The following KHDRBS2 variants were observed in gnomAD, a reference collection of about 807,000 sequenced individuals.
The protein encoded by KHDRBS2 is KH domain-containing, RNA-binding, signal transduction-associated protein 2.
A neutral mutation model predicts 44.3 loss-of-function variants in KHDRBS2; 26 were observed. That is an observed-to-expected ratio of 0.59 (90% CI 0.43 to 0.81). The LOEUF is 0.81. Ranked by LOEUF, KHDRBS2 falls within the 40% of genes least tolerant of loss-of-function variation. KHDRBS2 has a pLI of 0.00. For synonymous variants in KHDRBS2, 194 were observed against 151.1 expected, an observed-to-expected ratio of 1.28 and a Z score of -2.08; for missense variants, 476 against 433.1, an observed-to-expected ratio of 1.10 and a Z score of -0.88.
rs16867604 is a variant in KHDRBS2, at chr6:61,937,126, G to A, written c.484-35755C>T. 2.5e-3 allele frequency among the ~76,000 whole-genome samples: 372 copies of A among 151,732 alleles called. 7 individuals are homozygous for A. Among genetic ancestry groups the A allele is most frequent in the East Asian group, 0.019 (98 of 5,154 alleles). ...TCTTCATCTCATGGTGCTGCATTCT[G>A]GTCATCTTCTCAGGTCCATCTTTTG... On this transcript the variant is annotated intron_variant, in intron 4 of 8. Transcript: ENST00000281156.
chr6:61,570,752 T>C, the KHDRBS2 span, among the ~76,000 whole-genome samples: 1 of 152,166 alleles, frequency 6.6e-6, no homozygotes, highest in Non-Finnish European at 1.5e-5. Context: ...CAGAAGGGAT[T>C]GGGGTCCCAT....
chr6:61,782,835 T>G (rs1783219242), intron 6 of KHDRBS2, among the ~76,000 whole-genome samples: 1 of 151,184 alleles, frequency 6.6e-6, no homozygotes, highest in Non-Finnish European at 1.5e-5. Flanking sequence ...TACTTCAAAC[T>G]GATGGTTGGG....
intron 6 of KHDRBS2, among the ~76,000 whole-genome samples, chr6:61,812,999 CAT>C (rs751154699): frequency 7.2e-5 from 11 of 151,944 alleles, no homozygotes; most frequent in Non-Finnish European, 1.3e-4. Flanking sequence ...CAAAATCTAA[CAT>C]AGTTTGCAAC....
At chr6:61,954,128 C>T (rs1765381829) in intron 4 of KHDRBS2, among the ~76,000 whole-genome samples, 1 of 152,052 alleles carries the variant, frequency 6.6e-6, no homozygotes, top group African/African-American at 2.4e-5. Flanking sequence ...AGGCATAACA[C>T]TGAGAAATAT....
chr6:61,786,095 G>C (rs1783765909), intron 6 of KHDRBS2, among the ~76,000 whole-genome samples: 1 of 151,878 alleles, frequency 6.6e-6, no homozygotes. Context: ...TCAGTACCAA[G>C]CACTCCTGTA....
intron 6 of KHDRBS2, among the ~76,000 whole-genome samples, chr6:61,766,370 T>C (rs1272733167): frequency 2.0e-5 from 3 of 152,092 alleles, no homozygotes; most frequent in Admixed American, 1.3e-4. Flanking sequence ...TCTCTCTTTT[T>C]ACTTAGTCTT....
intron 4 of KHDRBS2, among the ~76,000 whole-genome samples, chr6:61,919,274 T>C (rs1326856669): frequency 6.6e-6 from 1 of 151,894 alleles, no homozygotes; most frequent in Non-Finnish European, 1.5e-5. Context: ...GAGTACAATT[T>C]TTTAAAGAAA....
At chr6:61,547,786 C>A in the KHDRBS2 span, among the ~76,000 whole-genome samples, 1 of 152,086 alleles carries the variant, frequency 6.6e-6, no homozygotes, top group Non-Finnish European at 1.5e-5. Context: ...CTTAGAGGGA[C>A]TTGTTTAAAC....
the KHDRBS2 span, among the ~76,000 whole-genome samples, chr6:61,580,308 T>C: frequency 6.6e-6 from 1 of 152,146 alleles, no homozygotes; most frequent in Admixed American, 6.6e-5. Context: ...GCACCAATCA[T>C]TACTCTGTGT....
chr6:61,828,614 C>T (rs912792983), intron 6 of KHDRBS2, among the ~76,000 whole-genome samples: 5 of 152,014 alleles, frequency 3.3e-5, no homozygotes, highest in African/African-American at 1.2e-4. Context: ...CCTCTGTATA[C>T]CTTTTGGGTA....
intron 6 of KHDRBS2, among the ~76,000 whole-genome samples, chr6:61,875,874 A>T (rs1476105063): frequency 6.6e-6 from 1 of 151,874 alleles, no homozygotes; most frequent in Non-Finnish European, 1.5e-5. Context: ...TTATTTATTA[A>T]ATTATTATTT....
chr6:61,843,281 T>C (rs1263239679), intron 6 of KHDRBS2, among the ~76,000 whole-genome samples: 2 of 151,510 alleles, frequency 1.3e-5, no homozygotes, highest in African/African-American at 4.8e-5. Flanking sequence ...TTTGTGAATA[T>C]ATTAAAATTT....
intron 6 of KHDRBS2, among the ~76,000 whole-genome samples, chr6:61,741,742 T>C (rs1016098360): frequency 2.0e-5 from 3 of 151,958 alleles, no homozygotes; most frequent in African/African-American, 7.2e-5. Context: ...CATGTTTTTG[T>C]CAACTAAAGA....
intron 3 of KHDRBS2, among the ~76,000 whole-genome samples, chr6:62,041,224 G>A (rs1426681114): frequency 6.6e-6 from 1 of 151,964 alleles, no homozygotes; most frequent in African/African-American, 2.4e-5. Context: ...CCAGCTACTT[G>A]GAAGTCTGAG....
At chr6:62,041,268 T>C (rs527983865) in intron 3 of KHDRBS2, among the ~76,000 whole-genome samples, 3 of 151,840 alleles carry the variant, frequency 2.0e-5, no homozygotes, top group South Asian at 2.1e-4. Flanking sequence ...GAGGTGGAGG[T>C]TGTAGTGAGC....
At chr6:61,710,328 A>AAGAGAAAGGAAATCAGAATTCTGT (rs1180321775) in intron 7 of KHDRBS2, among the ~76,000 whole-genome samples, 2 of 151,792 alleles carry the variant, frequency 1.3e-5, no homozygotes, top group African/African-American at 4.8e-5. Context: ...AATTACTGCA[A>AAGAGAAAGGAAATCAGAATTCTGT]AGAGAAAGGA....
At chr6:62,142,610 C>A (rs1361847364) in intron 2 of KHDRBS2, among the ~76,000 whole-genome samples, 1 of 151,858 alleles carries the variant, frequency 6.6e-6, no homozygotes, top group Non-Finnish European at 1.5e-5. Flanking sequence ...TCAGCATGAA[C>A]GTTTGAAAAA....
At chr6:61,778,854 C>T (rs1314558070) in intron 6 of KHDRBS2, among the ~76,000 whole-genome samples, 1 of 152,176 alleles carries the variant, frequency 6.6e-6, no homozygotes, top group Non-Finnish European at 1.5e-5. Context: ...GTCTTGATTT[C>T]AGACGCTTAG....
chr6:62,201,188 A>G (rs1315130696), intron 1 of KHDRBS2, among the ~76,000 whole-genome samples: 1 of 152,108 alleles, frequency 6.6e-6, no homozygotes, highest in Non-Finnish European at 1.5e-5. Flanking sequence ...TACATATATA[A>G]CAAACCTGCA....
Sources: gnomAD v4.1 joint callset for allele counts (sites outside exome capture counted in the v4.1 genomes callset) on GRCh38, gnomAD v4.1.1 for gene constraint, MANE v1.5 for transcripts, NCBI Gene and HGNC (gene_info 2026-07-23, HGNC 2026-07-21) for gene names.